SCN10A: variants seen among roughly 807,000 people sequenced by gnomAD.
The protein encoded by SCN10A is sodium channel protein type 10 subunit alpha.
Under a neutral mutation model 170.7 loss-of-function variants are expected in SCN10A, and 162 were observed. The ratio of observed to expected loss-of-function variants is 0.95; its 90% CI spans 0.84 to 1.08. The LOEUF is 1.08. Among genes scored for constraint, SCN10A ranks in the 50% least tolerant of loss-of-function variants. The probability of loss-of-function intolerance (pLI) is 0.00; values close to 1 mark genes in which losing one functional copy is unlikely to be tolerated. For missense variants in SCN10A, 2,527 were observed against 2,436.9 expected (o/e 1.04, Z -0.78); for synonymous variants, 985 against 904.6 (o/e 1.09, Z -1.59).
chr3:38,791,820 G>A (rs923462941), intron 3 of SCN10A, among the ~76,000 whole-genome samples: 2 of 152,196 alleles, frequency 1.3e-5, no homozygotes, highest in Non-Finnish European at 2.9e-5. Flanking sequence ...TTAGTCTGAG[G>A]TGAATCCAAA....
chr3:38,772,107 G>A (rs1409312961), intron 4 of SCN10A, among the ~76,000 whole-genome samples: 1 of 152,148 alleles, frequency 6.6e-6, no homozygotes, highest in East Asian at 1.9e-4. Flanking sequence ...GAGGGAAACA[G>A]TTGCATACTG....
intron 11 of SCN10A, among the ~76,000 whole-genome samples, chr3:38,753,313 A>G (rs1039665180): frequency 1.3e-5 from 2 of 152,238 alleles, no homozygotes; most frequent in Non-Finnish European, 2.9e-5. Context: ...AAACTTGACC[A>G]TAATAAACCA....
chr3:38,796,546 G>A (rs1275478019), intron 1 of SCN10A, among the ~76,000 whole-genome samples: 6 of 152,090 alleles, frequency 3.9e-5, no homozygotes, highest in East Asian at 1.9e-4. Flanking sequence ...CAAACTGTGC[G>A]CTGACCTCTC....
chr3:38,793,046 A>C (rs1352813308), intron 2 of SCN10A, among the ~76,000 whole-genome samples: 2 of 152,110 alleles, frequency 1.3e-5, no homozygotes, highest in East Asian at 3.9e-4. Context: ...GTATATATAT[A>C]GTGTATAGAT....
chr3:38,813,982 G>A (rs1332677684), intron 1 of SCN10A, among the ~76,000 whole-genome samples: 2 of 152,088 alleles, frequency 1.3e-5, no homozygotes, highest in Admixed American at 6.5e-5. Context: ...GTTTTGATGG[G>A]GTATAGAAGT....
At chr3:38,723,055 G>C (rs1380448268) in intron 19 of SCN10A, among the ~76,000 whole-genome samples, 1 of 152,170 alleles carries the variant, frequency 6.6e-6, no homozygotes, top group Non-Finnish European at 1.5e-5. Context: ...ATTGAGGGAA[G>C]CAGATACATC....
Position 38,722,325 on chromosome 3 carries a change from C to T in SCN10A, c.3440G>A (p.Arg1147His), listed in dbSNP as rs375926577. 81 of 1,613,884 alleles carry T rather than the reference C, an allele frequency of 5.0e-5. No individual in the cohort carries two copies. Among genetic ancestry groups the T allele is most frequent in the Admixed American group, 4.8e-4 (29 of 59,988 alleles). ...VGWQVRKTCY[R>H]IVEHSWFESF... ...CTCAAACCAGCTGTGCTCCACGATA[C>T]GGTAGCAAGTCTTGCGCACCTGCCA... Residue 1147 changes from arginine to histidine, a missense_variant, in exon 20 of 28, where the codon CGT becomes CAT. By Grantham distance (29) the Arg-to-His change is conservative (BLOSUM62 0). Transcript: ENST00000449082.
At chr3:38,757,435 C>A (rs1576010280) in intron 8 of SCN10A, among the ~76,000 whole-genome samples, 1 of 152,178 alleles carries the variant, frequency 6.6e-6, no homozygotes, top group Non-Finnish European at 1.5e-5. Context: ...AAGCTCTTTG[C>A]CAGTTCATAC....
chr3:38,799,180 A>G (rs1194448762), intron 1 of SCN10A, among the ~76,000 whole-genome samples: 1 of 152,148 alleles, frequency 6.6e-6, no homozygotes, highest in African/African-American at 2.4e-5. Context: ...TCTGAATACT[A>G]ACCTGAGTGA....
chr3:38,794,754 T>C (rs907075731), intron 1 of SCN10A, among the ~76,000 whole-genome samples: 2 of 152,210 alleles, frequency 1.3e-5, no homozygotes, highest in Non-Finnish European at 2.9e-5. Flanking sequence ...GGGAATCATA[T>C]GGTATCCCTA....
intron 5 of SCN10A, among the ~76,000 whole-genome samples, chr3:38,765,793 G>A (rs2063925883): frequency 6.6e-6 from 1 of 152,020 alleles, no homozygotes; most frequent in Non-Finnish European, 1.5e-5. Flanking sequence ...TATTGAATCT[G>A]TATATTGCTT....
intron 15 of SCN10A, among the ~76,000 whole-genome samples, chr3:38,737,296 G>A (rs2063575759): frequency 6.6e-6 from 1 of 151,664 alleles, no homozygotes; most frequent in Admixed American, 6.6e-5. Context: ...AACTAACTGT[G>A]GGCCTGCCAG....
chr3:38,767,814 C>G (rs1468927176), intron 5 of SCN10A, among the ~76,000 whole-genome samples: 1 of 151,970 alleles, frequency 6.6e-6, no homozygotes, highest in African/African-American at 2.4e-5. Flanking sequence ...GTCTTGATGA[C>G]CTGTCTAGTG....
At chr3:38,746,647 T>C (rs2063693823) in intron 13 of SCN10A, among the ~76,000 whole-genome samples, 1 of 152,188 alleles carries the variant, frequency 6.6e-6, no homozygotes, top group Admixed American at 6.5e-5. Context: ...TTATTTTCAG[T>C]TCTCCTGGTT....
intron 20 of SCN10A, among the ~76,000 whole-genome samples, chr3:38,720,498 A>AT (rs1445884209): frequency 2.0e-5 from 3 of 152,142 alleles, no homozygotes; most frequent in Middle Eastern, 3.4e-3. Flanking sequence ...ATTTCCAAGT[A>AT]TTTTTTTGGT....
intron 14 of SCN10A, 150 bp from the exon 15 acceptor site, chr3:38,739,838 G>A (rs1027596097): frequency 6.1e-6 from 4 of 653,298 alleles, no homozygotes; most frequent in African/African-American, 5.5e-5. Context: ...CTGAGGATTG[G>A]CCAGGGTAAC....
chr3:38,774,014 T>G (rs1357311171), intron 4 of SCN10A, among the ~76,000 whole-genome samples: 1 of 152,184 alleles, frequency 6.6e-6, no homozygotes, highest in Non-Finnish European at 1.5e-5. Flanking sequence ...TGCTGTTTTT[T>G]TTGTCAGAAT....
intron 14 of SCN10A, among the ~76,000 whole-genome samples, chr3:38,742,089 C>A (rs1266430610): frequency 6.6e-6 from 1 of 152,322 alleles, no homozygotes; most frequent in Non-Finnish European, 1.5e-5. Context: ...GCCATTCCCA[C>A]CAGCTCAGCC....
intron 4 of SCN10A, among the ~76,000 whole-genome samples, chr3:38,774,462 T>G (rs1339004238): frequency 6.6e-6 from 1 of 152,176 alleles, no homozygotes; most frequent in East Asian, 1.9e-4. Context: ...TGATGTTGGG[T>G]TGCAGCATTC....
Sources: allele counts gnomAD v4.1 joint callset (sites outside exome capture counted in the v4.1 genomes callset), GRCh38; gene constraint gnomAD v4.1.1; transcripts MANE v1.5; gene names NCBI Gene and HGNC (gene_info 2026-07-23, HGNC 2026-07-21).